Variants in MAN1B1 observed in about 807,000 individuals in gnomAD.
The protein encoded by MAN1B1 is mannosidase alpha class 1B member 1, also known as endoplasmic reticulum mannosyl-oligosaccharide 1,2-alpha-mannosidase.
MAN1B1 carries 66 observed loss-of-function variants against 75.5 expected under a neutral mutation model. The ratio of observed to expected loss-of-function variants is 0.87; its 90% CI spans 0.72 to 1.07. The LOEUF (loss-of-function observed/expected upper bound fraction) is 1.07. Ranked by LOEUF, MAN1B1 falls within the 50% of genes least tolerant of loss-of-function variation. The pLI, the probability that MAN1B1 is intolerant of heterozygous loss-of-function variation, is 0.00. For synonymous variants in MAN1B1, 453 were observed against 382.8 expected (o/e 1.18, Z -2.14); for missense variants, 973 against 912.5 (o/e 1.07, Z -0.85).
intron 2 of MAN1B1, 156 bp downstream of exon 2, chr9:137,088,339 C>CA: frequency 1.3e-6 from 2 of 1,599,232 alleles, no homozygotes; most frequent in Non-Finnish European, 1.7e-6. Context: ...TGTATGTAAC[C>CA]ACCTGGCTAG....
intron 8 of MAN1B1, chr9:137,102,113 G>A (rs1564287530): frequency 2.5e-6 from 1 of 403,368 alleles, no homozygotes; most frequent in Non-Finnish European, 5.0e-6. Context: ...GCAGGTCGGT[G>A]GTGTTACATT....
At chr9:137,102,843 C>G (rs560212932) in intron 8 of MAN1B1, 96,184 of 407,746 alleles carry the variant, frequency 0.24, 649 homozygotes, top group Non-Finnish European at 0.29. Flanking sequence ...CACATTCACA[C>G]TGTTGCAGGC....
chr9:137,097,977 G>T, intron 5 of MAN1B1, 40 bp downstream of exon 5: 1 of 1,473,624 alleles, frequency 6.8e-7, no homozygotes, highest in South Asian at 1.2e-5. Context: ...CGGGCGCTCA[G>T]GGGCTGGTGG....
At position 137,088,342 on chromosome 9, in the gene MAN1B1, C is replaced by T. The variant is rs1459716296; in HGVS notation, c.328+159C>T. ...GAAAGGTAGAGCTGTATGTAACCAC[C>T]TGGCTAGAACACAGATGTTAATTTG... On this transcript the variant is annotated intron_variant, in intron 2 of 12. Transcript: ENST00000371589. The T allele has an allele frequency of 2.5e-6, 4 of 1,598,002 alleles. No homozygotes were observed. The South Asian group carries it at 3.3e-5, about 13-fold the overall frequency.
At position 137,108,849 on chromosome 9, in the gene MAN1B1, C is replaced by G. The variant is rs755189897; in HGVS notation, c.*258C>G. ...TCCAGAAGACACGAATCATGACTCACGATTGCTGAAGCCTGAGCAGGTCTC... is the reference window on the plus strand; with the variant it reads ...TCCAGAAGACACGAATCATGACTCAGGATTGCTGAAGCCTGAGCAGGTCTC... On this transcript the variant is annotated 3_prime_UTR_variant, in exon 13 of 13. Transcript: ENST00000371589. 7.8e-6 allele frequency: 5 copies of G among 640,770 alleles called. No individual in the cohort carries two copies. The highest frequency in any genetic ancestry group is 3.0e-5 in the South Asian group (2 of 66,258). The allele number at this position is 640,770 out of a possible 1,614,324, so 39.7% of individuals were successfully genotyped here.
Position 137,098,703 on chromosome 9 carries a change from A to G in MAN1B1, c.730+766A>G, listed in dbSNP as rs117370174. ...GTTTGGTGCCGTTACACACGTGTCA[A>G]TCCACACATTAGTCAATGTTGGCCG... On this transcript the variant is annotated intron_variant, in intron 5 of 12. Transcript: ENST00000371589. 9.2e-5 allele frequency among the ~76,000 whole-genome samples: 14 copies of G among 152,252 alleles called. No individual in the cohort carries two copies. The East Asian group carries it at 1.7e-3, about 19-fold the overall frequency.
chr9:137,094,749 G>A (rs951848697), intron 3 of MAN1B1, among the ~76,000 whole-genome samples: 9 of 151,784 alleles, frequency 5.9e-5, no homozygotes, highest in Non-Finnish European at 7.4e-5. Flanking sequence ...GAGTGGTGGC[G>A]GGCGCCTGTA....
intron 3 of MAN1B1, among the ~76,000 whole-genome samples, chr9:137,093,836 A>G (rs1830583977): frequency 6.6e-6 from 1 of 152,008 alleles, no homozygotes; most frequent in Non-Finnish European, 1.5e-5. Context: ...TCTGTCTCAA[A>G]AAAAAGAGAA....
At chr9:137,102,628 T>G (rs1588620091) in intron 8 of MAN1B1, 5 of 434,828 alleles carry the variant, frequency 1.1e-5, no homozygotes, top group African/African-American at 2.4e-5. Flanking sequence ...GTCGGTGGTG[T>G]TACATTCACG....
rs1029270566 is a variant in MAN1B1 at position 137,107,630 on chromosome 9, G to C, written c.1864G>C (p.Glu622Gln). 1 of 1,610,514 alleles carries C rather than the reference G, an allele frequency of 6.2e-7. No homozygotes were observed. Residue 622 changes from glutamate to glutamine, a missense_variant, in exon 12 of 13, where the codon GAG becomes CAG. Glu to Gln is a conservative substitution (Grantham distance 29). Transcript: ENST00000371589. Reference protein sequence around the residue: ...GDRKYQDWGWEILQSFSRFTR... With the variant: ...GDRKYQDWGWQILQSFSRFTR... ...CCGCAAATACCAGGACTGGGGCTGGGAGATTCTGCAGAGCTTCAGCCGATT... is the reference window on the plus strand; with the variant it reads ...CCGCAAATACCAGGACTGGGGCTGGCAGATTCTGCAGAGCTTCAGCCGATT...
chr9:137,094,695 A>G (rs994544185), intron 3 of MAN1B1, among the ~76,000 whole-genome samples: 7 of 151,752 alleles, frequency 4.6e-5, no homozygotes, highest in Admixed American at 1.3e-4. Flanking sequence ...CCTGGCCAAC[A>G]TGGTGAAATC....
At chr9:137,105,190 A>G (rs1831049790) in intron 8 of MAN1B1, 1 of 152,372 alleles carries the variant, frequency 6.6e-6, no homozygotes, top group South Asian at 2.1e-4. Context: ...TAGATAACAG[A>G]TTGTCATTTT....
chr9:137,096,858 G>C (rs1482547017), intron 4 of MAN1B1, among the ~76,000 whole-genome samples: 1 of 152,234 alleles, frequency 6.6e-6, no homozygotes, highest in African/African-American at 2.4e-5. Context: ...TCTCTGCCTC[G>C]TTTCCGGCTC....
At chr9:137,095,141 T>C (rs1830619861) in intron 3 of MAN1B1, among the ~76,000 whole-genome samples, 1 of 152,074 alleles carries the variant, frequency 6.6e-6, no homozygotes, top group Non-Finnish European at 1.5e-5. Context: ...TGAGCCAAGA[T>C]TGCACCATTG....
Position 137,107,728 on chromosome 9 carries a change from G to A in MAN1B1, c.1896+66G>A, listed in dbSNP as rs567798086. On this transcript the variant is annotated intron_variant, in intron 12 of 12. Coordinates refer to ENST00000371589, the MANE Select transcript of MAN1B1 (RefSeq NM_016219.5). Reference sequence around the variant, plus strand: ...GCCACAGGCACGGCTGGGCTGTGGGGCTCAGGCTGGCTCCGCTCTTGGTGG... The same window carrying A: ...GCCACAGGCACGGCTGGGCTGTGGGACTCAGGCTGGCTCCGCTCTTGGTGG... 8 of 1,607,078 alleles carry A rather than the reference G, an allele frequency of 5.0e-6. No homozygotes were observed. The African/African-American group carries it at 6.7e-5, about 13-fold the overall frequency.
At chr9:137,087,435 G>T (rs1241549841) in intron 1 of MAN1B1, 7 of 715,318 alleles carry the variant, frequency 9.8e-6, no homozygotes. Context: ...TCTGCGGGGC[G>T]GTGGTGGGAA....
intron 2 of MAN1B1, chr9:137,088,451 TGA>T (rs1830437501): frequency 6.5e-7 from 1 of 1,532,164 alleles, no homozygotes; most frequent in African/African-American, 1.4e-5. Context: ...CTGGTGGGCT[TGA>T]ACACTCAGCC....
At chr9:137,106,853 T>A (rs762159704) in intron 10 of MAN1B1, 44 bp downstream of exon 10, 1 of 1,606,640 alleles carries the variant, frequency 6.2e-7, no homozygotes, top group Non-Finnish European at 8.5e-7. Context: ...CCCTTTTACC[T>A]TGGCTTCCAA....
At chr9:137,089,422 A>G (rs564482815) in intron 3 of MAN1B1, 23 of 282,928 alleles carry the variant, frequency 8.1e-5, no homozygotes, top group Non-Finnish European at 1.5e-4. Context: ...CACTGAGGGC[A>G]AGATCTGAGG....
Sources: allele counts gnomAD v4.1 joint callset (sites outside exome capture counted in the v4.1 genomes callset), GRCh38; gene constraint gnomAD v4.1.1; transcripts MANE v1.5; gene names NCBI Gene and HGNC (gene_info 2026-07-23, HGNC 2026-07-21).